PTPRT: variants seen among roughly 807,000 people sequenced by gnomAD.
PTPRT encodes receptor-type tyrosine-protein phosphatase T.
Under a neutral mutation model 176.8 loss-of-function variants are expected in PTPRT, and 56 were observed. That is an observed-to-expected ratio of 0.32 (90% CI 0.26 to 0.40). The LOEUF (loss-of-function observed/expected upper bound fraction) is 0.40, where lower values mean the gene tolerates loss of function less well. Among genes scored for constraint, PTPRT ranks in the 10% least tolerant of loss-of-function variants. The pLI is 1.00. For missense variants in PTPRT, 1,540 were observed against 1,908.2 expected (o/e 0.81, Z 3.60); for synonymous variants, 783 against 739.0 (o/e 1.06, Z -0.96).
intron 7 of PTPRT, among the ~76,000 whole-genome samples, chr20:42,669,404 A>T (rs933652096): frequency 6.6e-6 from 1 of 152,052 alleles, no homozygotes; most frequent in Admixed American, 6.5e-5. Context: ...TGGGATAGTG[A>T]GTCCATTTTC....
At chr20:42,700,432 G>C (rs1002593288) in intron 6 of PTPRT, among the ~76,000 whole-genome samples, 2 of 149,248 alleles carry the variant, frequency 1.3e-5, no homozygotes, top group South Asian at 2.1e-4. Flanking sequence ...AGAGCGCCTC[G>C]ACTACACCGC....
chr20:42,481,424 C>A (rs1341236695), intron 7 of PTPRT, among the ~76,000 whole-genome samples: 1 of 152,094 alleles, frequency 6.6e-6, no homozygotes, highest in African/African-American at 2.4e-5. Context: ...TTTTGGCCAA[C>A]CCACATAGTT....
chr20:43,098,538 CT>C (rs1010781715), intron 1 of PTPRT, among the ~76,000 whole-genome samples: 5 of 147,330 alleles, frequency 3.4e-5, no homozygotes, highest in South Asian at 2.3e-4. Context: ...GGTGACAACT[CT>C]TTTTTTTCTT....
intron 1 of PTPRT, among the ~76,000 whole-genome samples, chr20:43,115,651 C>A (rs749447167): frequency 1.8e-4 from 27 of 152,120 alleles, no homozygotes; most frequent in Middle Eastern, 3.2e-3. Flanking sequence ...AGAACAGCGC[C>A]CACAACAAAA....
intron 6 of PTPRT, among the ~76,000 whole-genome samples, chr20:42,707,507 A>AG (rs1164242832): frequency 6.6e-6 from 1 of 152,206 alleles, no homozygotes; most frequent in African/African-American, 2.4e-5. Flanking sequence ...TTTGAGAGAC[A>AG]GGCTCCATTT....
In PTPRT at chr20:42,248,796, C is replaced by T; in HGVS notation, c.2203G>A (p.Val735Met). ...KGASTQNSNTVEPEKQVDNTV... is the reference protein window; with the variant it reads ...KGASTQNSNTMEPEKQVDNTV... ...TTGTCCACCTGCTTCTCTGGCTCCA[C>T]AGTGTTAGAATTCTGGGTGGAGGCA... The change falls in exon 14 of 31, where the codon GTG becomes ATG. Residue 735 changes from valine (V) to methionine (M), a missense_variant. Transcript: ENST00000373187. 1 of 1,614,020 alleles carries T rather than the reference C, an allele frequency of 6.2e-7. No homozygotes were observed. Among genetic ancestry groups the T allele is most frequent in the Non-Finnish European group, 8.5e-7 (1 of 1,179,966 alleles).
At chr20:42,552,990 A>G (rs6072792) in intron 7 of PTPRT, among the ~76,000 whole-genome samples, 58,197 of 151,968 alleles carry the variant, frequency 0.38, 11,230 homozygotes, top group Admixed American at 0.43. Context: ...AGTCAATTTT[A>G]GAGGTCAGCC....
rs374431838 is a variant in PTPRT at position 42,553,352 on chromosome 20, ACT to A, written c.1154-80792_1154-80791del. On this transcript the variant is annotated intron_variant, in intron 7 of 30. Coordinates refer to ENST00000373187, the MANE Select transcript of PTPRT (RefSeq NM_007050.6). Reference sequence around the variant, plus strand: ...ATTTACTTTCTCTCAGCCCATTTTCACTCTCTCTCATTTTTACCTTCTATCTC... The same window carrying A: ...ATTTACTTTCTCTCAGCCCATTTTCACTCTCTCATTTTTACCTTCTATCTC... 3.1e-3 allele frequency among the ~76,000 whole-genome samples: 461 copies of A among 148,860 alleles called. 18 individuals are homozygous for A. In the South Asian group the frequency reaches 0.093, roughly 30 times the overall value.
At chr20:42,068,726 CA>C (rs1162705222), downstream of PTPRT, among the ~76,000 whole-genome samples, 1 of 152,200 alleles carries the variant, frequency 6.6e-6, no homozygotes, top group Non-Finnish European at 1.5e-5. Flanking sequence ...GTCTTGTAAT[CA>C]GAGGAAATTC....
intron 1 of PTPRT, among the ~76,000 whole-genome samples, chr20:43,102,776 T>C (rs1200566186): frequency 6.6e-6 from 1 of 152,172 alleles, no homozygotes; most frequent in Non-Finnish European, 1.5e-5. Flanking sequence ...TAACCCTCTT[T>C]GTGGGCTTTT....
At chr20:42,471,268 G>T (rs1292108509) in intron 8 of PTPRT, among the ~76,000 whole-genome samples, 1 of 152,166 alleles carries the variant, frequency 6.6e-6, no homozygotes, top group Non-Finnish European at 1.5e-5. Flanking sequence ...TCAAACCTTG[G>T]ACAGAGAAGG....
At chr20:42,558,963 G>A (rs998569981) in intron 7 of PTPRT, among the ~76,000 whole-genome samples, 1 of 152,212 alleles carries the variant, frequency 6.6e-6, no homozygotes, top group Admixed American at 6.5e-5. Context: ...TTCATGTGTC[G>A]ACTGGATGGT....
intron 9 of PTPRT, among the ~76,000 whole-genome samples, chr20:42,391,813 T>C (rs1263982118): frequency 6.6e-6 from 1 of 152,216 alleles, no homozygotes; most frequent in Non-Finnish European, 1.5e-5. Flanking sequence ...AAATGCTCTG[T>C]CCTATAACTA....
chr20:42,278,972 C>T (rs2057094514), intron 13 of PTPRT, among the ~76,000 whole-genome samples: 3 of 152,108 alleles, frequency 2.0e-5, no homozygotes, highest in Admixed American at 1.3e-4. Context: ...AAATGATTCC[C>T]CTGCTCACTT....
At chr20:42,116,096 G>T in intron 21 of PTPRT, 3 of 721,988 alleles carry the variant, frequency 4.2e-6, no homozygotes, top group Non-Finnish European at 7.7e-6. Context: ...GTTCCGCTGG[G>T]TGCTAATAGG....
At chr20:43,178,297 G>T (rs978941453) in intron 1 of PTPRT, among the ~76,000 whole-genome samples, 2 of 152,180 alleles carry the variant, frequency 1.3e-5, no homozygotes, top group Non-Finnish European at 2.9e-5. Context: ...GAGGAAGCTG[G>T]CTTTGTGCCT....
chr20:43,037,757 T>A (rs1345277558), intron 1 of PTPRT, among the ~76,000 whole-genome samples: 2 of 152,158 alleles, frequency 1.3e-5, no homozygotes, highest in Non-Finnish European at 2.9e-5. Flanking sequence ...GACAGAGGCA[T>A]ACAGGAACGT....
At chr20:42,089,144 G>T (rs999408061) in intron 27 of PTPRT, among the ~76,000 whole-genome samples, 1 of 151,968 alleles carries the variant, frequency 6.6e-6, no homozygotes, top group African/African-American at 2.4e-5. Flanking sequence ...CTTGTCGGGC[G>T]CTGGTCACGG....
At chr20:42,143,426 A>C (rs1480744804) in intron 17 of PTPRT, among the ~76,000 whole-genome samples, 2 of 152,056 alleles carry the variant, frequency 1.3e-5, no homozygotes, top group Non-Finnish European at 2.9e-5. Context: ...GCATGGTGGC[A>C]GGTGCCTGTA....
Sources: gnomAD v4.1 joint callset for allele counts (sites outside exome capture counted in the v4.1 genomes callset) on GRCh38, gnomAD v4.1.1 for gene constraint, MANE v1.5 for transcripts, NCBI Gene and HGNC (gene_info 2026-07-23, HGNC 2026-07-21) for gene names.